The following SLC25A35 variants were observed in gnomAD, a reference collection of about 807,000 sequenced individuals.
The protein encoded by SLC25A35 is solute carrier family 25 member 35.
Under a neutral mutation model 30.5 loss-of-function variants are expected in SLC25A35, and 32 were observed. The ratio of observed to expected loss-of-function variants is 1.05; its 90% CI spans 0.79 to 1.41. The LOEUF (loss-of-function observed/expected upper bound fraction) is 1.41, where lower values mean the gene tolerates loss of function less well. Among genes scored for constraint, SLC25A35 ranks in the 40% most tolerant of loss-of-function variants. SLC25A35 has a pLI of 0.00. For synonymous variants in SLC25A35, 142 were observed against 158.1 expected (o/e 0.90, Z 0.77); for missense variants, 369 against 388.0 (o/e 0.95, Z 0.41).
At chr17:8,289,120 C>T (rs781291944), downstream of SLC25A35, 48 of 1,605,348 alleles carry the variant, frequency 3.0e-5, no homozygotes, top group East Asian at 1.0e-3. Flanking sequence ...GGGGTCGGAC[C>T]AGTGGGCGGG....
Position 8,290,400 on chromosome 17 carries a change from C to G in SLC25A35, c.*105G>C. 1 of 1,477,466 alleles carries G rather than the reference C, an allele frequency of 6.8e-7. No homozygotes were observed. The highest frequency in any genetic ancestry group is 9.0e-7 in the Non-Finnish European group (1 of 1,116,312). The allele number at this position is 1,477,466 out of a possible 1,614,324, so 91.5% of individuals were successfully genotyped here. ...GATGGGGAGTGGGGTTGGCTGTCCC[C>G]CATGGATGGATGAAAGGTCACCTAA... On this transcript the variant is annotated 3_prime_UTR_variant, in exon 5 of 5. Coordinates refer to ENST00000577745, the MANE Select transcript of SLC25A35 (RefSeq NM_001320870.2).
At position 8,292,700 on chromosome 17, in the gene SLC25A35, C is replaced by G. The variant is rs1451493930; in HGVS notation, c.376-112G>C. 8.1e-6 allele frequency: 7 copies of G among 863,074 alleles called. No individual in the cohort carries two copies. The African/African-American group carries it at 9.9e-5, about 12-fold the overall frequency. 53.5% of individuals were successfully genotyped at this position (863,074 alleles called of 1,614,324 possible). On this transcript the variant is annotated intron_variant, in intron 1 of 4. Coordinates refer to ENST00000577745, the MANE Select transcript of SLC25A35 (RefSeq NM_001320870.2). ...TAGGGTGTTCAGCAATGAATAGCCT[C>G]TTACTCTGATTATTGTTCTTCCTAC...
chr17:8,289,217 G>T, downstream of SLC25A35: 1 of 1,609,856 alleles, frequency 6.2e-7, no homozygotes, highest in East Asian at 2.2e-5. Flanking sequence ...CCGGGGAGGC[G>T]ACCAGAGATG....
chr17:8,290,958 A>G lies in SLC25A35; in HGVS notation c.613T>C (p.Trp205Arg). 2 of 1,614,090 alleles carry G rather than the reference A, an allele frequency of 1.2e-6. No individual in the cohort carries two copies. Among genetic ancestry groups the G allele is most frequent in the Non-Finnish European group, 1.7e-6 (2 of 1,180,000 alleles). The change falls in exon 4 of 5, where the codon TGG becomes CGG. Residue 205 changes from tryptophan to arginine, a missense_variant. Coordinates refer to ENST00000577745, the MANE Select transcript of SLC25A35 (RefSeq NM_001320870.2). ...ATGGCAGCCACCAGCGCCAACTTCC[A>G]GCTCTGGGGAGGAAAGATCTAAGGG... is the stretch of plus-strand genomic sequence containing the variant. ...SQWEIFPPQSWKLALVAAMMS... is the reference protein window; with the variant it reads ...SQWEIFPPQSRKLALVAAMMS...
At chr17:8,292,672 C>A (rs917500902) in intron 1 of SLC25A35, 84 bp from the exon 2 acceptor site, 2 of 1,174,660 alleles carry the variant, frequency 1.7e-6, no homozygotes, top group East Asian at 4.7e-5. Context: ...CTCACACTTC[C>A]TCTAGGGTGT....
chr17:8,293,939 G>A (rs542672863), intron 1 of SLC25A35, among the ~76,000 whole-genome samples: 3 of 131,002 alleles, frequency 2.3e-5, no homozygotes, highest in Non-Finnish European at 4.6e-5. Flanking sequence ...TTTGTGAGAC[G>A]TAGCCTTGCT....
At position 8,292,558 on chromosome 17, in the gene SLC25A35, A is replaced by C. The variant is rs777641713; in HGVS notation, c.406T>G (p.Ser136Ala). The C allele has an allele frequency of 1.2e-6, 2 of 1,613,950 alleles. No individual in the cohort carries two copies. The highest frequency in any genetic ancestry group is 2.7e-5 in the African/African-American group (2 of 74,882). ...VKTHLQAQAA[S>A]EIAVGHQYKH... ...TACTGGTGCCCTACAGCAATTTCTG[A>C]GGCTGCCTGTGCCTGCAGGTGTGTC... Residue 136 changes from serine to alanine, a missense_variant, in exon 2 of 5, where the codon TCA becomes GCA. Transcript: ENST00000577745.
chr17:8,291,048 C>G (rs1990456603), intron 3 of SLC25A35, 72 bp from the exon 4 acceptor site: 1 of 1,576,742 alleles, frequency 6.3e-7, no homozygotes, highest in Non-Finnish European at 8.7e-7. Context: ...CAGTCCCTGC[C>G]CTGGGGACAC....
In SLC25A35 at chr17:8,290,904, T is replaced by C; in HGVS notation, c.667A>G (p.Met223Val). The change falls in exon 4 of 5, where the codon ATG becomes GTG. Residue 223 changes from methionine (M) to valine (V), a missense_variant. Coordinates refer to ENST00000577745, the MANE Select transcript of SLC25A35 (RefSeq NM_001320870.2). ...GTGCAGGCCACATCAAAGGGTGCCATGGCCAAGACAACTGCAATGCCACTC... is the reference window on the plus strand; with the variant it reads ...GTGCAGGCCACATCAAAGGGTGCCACGGCCAAGACAACTGCAATGCCACTC... The part of the protein sequence containing the change: ...MMSGIAVVLA[M>V]APFDVACTRL... 1 of 1,614,108 alleles carries C rather than the reference T, an allele frequency of 6.2e-7. No homozygotes were observed. The highest frequency in any genetic ancestry group is 8.5e-7 in the Non-Finnish European group (1 of 1,179,994).
rs957136739 is a variant in SLC25A35 at position 8,290,534 on chromosome 17, G to A, written c.874C>T (p.Arg292Cys). 31 of 1,535,928 alleles carry A rather than the reference G, an allele frequency of 2.0e-5. No homozygotes were observed. The highest frequency in any genetic ancestry group is 9.8e-5 in the Admixed American group (5 of 50,962). Residue 292 changes from arginine (R) to cysteine (C), a missense_variant, in exon 5 of 5, where the codon CGC becomes TGC. Physicochemically the swap from Arg to Cys is radical, Grantham distance 180. Transcript: ENST00000577745. ...TTAGTGTCTGTGTAGTAGAGGGAGC[G>A]CAGCTGGTCCCAGAAGAAGAGGGAG... Reference protein sequence around the residue: ...ILSLFFWDQLRSLYYTDTK With the variant: ...ILSLFFWDQLCSLYYTDTK
intron 3 of SLC25A35, 71 bp downstream of exon 3, chr17:8,291,262 C>T: frequency 6.3e-7 from 1 of 1,583,146 alleles, no homozygotes; most frequent in Non-Finnish European, 8.6e-7. Context: ...CCATCCCCTC[C>T]AGGGCCTAGT....
In SLC25A35 at chr17:8,290,929, C is replaced by T. The variant is rs138474953; in HGVS notation, c.642G>A (p.Met214Ile). 1.9e-6 allele frequency: 3 copies of T among 1,614,126 alleles called. No individual in the cohort carries two copies. Among genetic ancestry groups the T allele is most frequent in the Non-Finnish European group, 2.5e-6 (3 of 1,179,996 alleles). The change falls in exon 4 of 5, where the codon ATG (methionine) becomes ATA (isoleucine). Residue 214 changes from methionine to isoleucine, a missense_variant. Transcript: ENST00000577745. ...TGGCCAAGACAACTGCAATGCCACTCATCATGGCAGCCACCAGCGCCAACT... is the reference window on the plus strand; with the variant it reads ...TGGCCAAGACAACTGCAATGCCACTTATCATGGCAGCCACCAGCGCCAACT... ...SWKLALVAAMMSGIAVVLAMA... is the reference protein window; with the variant it reads ...SWKLALVAAMISGIAVVLAMA...
At chr17:8,289,414 GGTGAGGGCCCGAGAGT>G (rs1990301131), downstream of SLC25A35, 4 of 1,614,050 alleles carry the variant, frequency 2.5e-6, no homozygotes, top group Non-Finnish European at 3.4e-6. Context: ...AAAACCAGCA[GGTGAGGGCCCGAGAGT>G]GTGTAATGTC....
chr17:8,288,198 CCGAGG>C, downstream of SLC25A35: 1 of 162,240 alleles, frequency 6.2e-6, no homozygotes, highest in Non-Finnish European at 1.4e-5. Flanking sequence ...ACTTAGGGAG[CCGAGG>C]CGGGAGGATC....
rs910802754 is a variant in SLC25A35, at chr17:8,295,270, C to G, written c.-463G>C. The G allele has an allele frequency of 7.1e-6, 7 of 987,986 alleles. No individual in the cohort carries two copies. The highest frequency in any genetic ancestry group is 8.4e-6 in the Non-Finnish European group (7 of 831,754). The allele number at this position is 987,986 out of a possible 1,614,324, so 61.2% of individuals were successfully genotyped here. On this transcript the variant is annotated 5_prime_UTR_variant, in exon 1 of 5. Transcript: ENST00000577745. Reference sequence around the variant, plus strand: ...TTTCCTCGAGCCAGCAACGAGATCTCGATCCGAGAAAGAAGTCAGGACTCT... The same window carrying G: ...TTTCCTCGAGCCAGCAACGAGATCTGGATCCGAGAAAGAAGTCAGGACTCT...
downstream of SLC25A35, chr17:8,289,175 C>G: frequency 1.2e-6 from 2 of 1,601,804 alleles, no homozygotes; most frequent in South Asian, 2.2e-5. Context: ...CACGCACGGG[C>G]CGGGAGCCAG....
downstream of SLC25A35, chr17:8,288,790 T>G: frequency 6.2e-7 from 1 of 1,614,064 alleles, no homozygotes; most frequent in Non-Finnish European, 8.5e-7. Context: ...CTCAGACCCA[T>G]GGAGCCCACG....
In SLC25A35 at chr17:8,295,130, C is replaced by A. The variant is rs1432850634; in HGVS notation, c.-323G>T. On this transcript the variant is annotated 5_prime_UTR_variant, in exon 1 of 5. Transcript: ENST00000577745. Reference sequence around the variant, plus strand: ...TGGGATGGCTCAGGATGGCGGGCGACGGGAGCACGGGAGTAGAGGAGGGAA... The same window carrying A: ...TGGGATGGCTCAGGATGGCGGGCGAAGGGAGCACGGGAGTAGAGGAGGGAA... 22 of 1,071,588 alleles carry A rather than the reference C, an allele frequency of 2.1e-5. No homozygotes were observed. The highest frequency in any genetic ancestry group is 2.5e-5 in the Non-Finnish European group (22 of 885,232). The allele number at this position is 1,071,588 out of a possible 1,614,324, so 66.4% of individuals were successfully genotyped here.
chr17:8,290,965 G>C lies in SLC25A35; in HGVS notation c.606C>G (p.Pro202=). 1.9e-6 allele frequency: 3 copies of C among 1,614,068 alleles called. No individual in the cohort carries two copies. Among genetic ancestry groups the C allele is most frequent in the Non-Finnish European group, 2.5e-6 (3 of 1,179,988 alleles). ...CCACCAGCGCCAACTTCCAGCTCTG[G>C]GGAGGAAAGATCTAAGGGGGTAGAG... is the stretch of plus-strand genomic sequence containing the variant. ...DLLSQWEIFP[P]QSWKLALVAA... Residue 202 remains proline, a synonymous_variant, in exon 4 of 5, where the codon CCC becomes CCG. Coordinates refer to ENST00000577745, the MANE Select transcript of SLC25A35 (RefSeq NM_001320870.2).
Sources: allele counts gnomAD v4.1 joint callset (sites outside exome capture counted in the v4.1 genomes callset), GRCh38; gene constraint gnomAD v4.1.1; transcripts MANE v1.5; gene names NCBI Gene and HGNC (gene_info 2026-07-23, HGNC 2026-07-21).